LIMCH1: variants seen among roughly 807,000 people sequenced by gnomAD.
LIMCH1 encodes the protein LIM and calponin homology domains-containing protein 1.
In LIMCH1, 113 loss-of-function variants were observed where a neutral mutation model predicts 176.5. The ratio of observed to expected loss-of-function variants is 0.64; its 90% CI spans 0.55 to 0.75. The LOEUF is 0.75. Among genes scored for constraint, LIMCH1 ranks in the 30% least tolerant of loss-of-function variants. LIMCH1 has a pLI of 0.00. For missense variants in LIMCH1, 1,674 were observed against 1,814.9 expected (o/e 0.92, Z 1.41); for synonymous variants, 619 against 645.9 (o/e 0.96, Z 0.63).
intron 1 of LIMCH1, among the ~76,000 whole-genome samples, chr4:41,388,420 G>A (rs1457166319): frequency 6.6e-6 from 1 of 152,220 alleles, no homozygotes; most frequent in Non-Finnish European, 1.5e-5. Flanking sequence ...TATATGTGAT[G>A]TCCAGAAAAG....
intron 1 of LIMCH1, among the ~76,000 whole-genome samples, chr4:41,575,194 C>G (rs530177164): frequency 1.2e-4 from 18 of 152,258 alleles, no homozygotes; most frequent in Admixed American, 1.2e-3. Context: ...AAGACACTGA[C>G]CAGATAGCAT....
At chr4:41,445,070 A>G (rs58542885) in intron 1 of LIMCH1, among the ~76,000 whole-genome samples, 1 of 149,542 alleles carries the variant, frequency 6.7e-6, no homozygotes, top group Non-Finnish European at 1.5e-5. Context: ...CAGTGGCGCA[A>G]TCTTGGCTCA....
At chr4:41,561,164 C>A (rs1403545004) in intron 1 of LIMCH1, among the ~76,000 whole-genome samples, 1 of 152,152 alleles carries the variant, frequency 6.6e-6, no homozygotes, top group Non-Finnish European at 1.5e-5. Flanking sequence ...TTGTTTAATC[C>A]AACCTAAATA....
chr4:41,529,619 G>C lies in LIMCH1; in HGVS notation c.237+5141G>C, dbSNP rs192647598. 3.6e-3 allele frequency among the ~76,000 whole-genome samples: 544 copies of C among 152,242 alleles called. 3 individuals are homozygous for C. Among genetic ancestry groups the C allele is most frequent in the Middle Eastern group, 0.027 (8 of 294 alleles). On this transcript the variant is annotated intron_variant, in intron 3 of 26. Coordinates refer to the LIMCH1 transcript ENST00000313860. ...AACAGTAAAAGATGAGATGGATCCC[G>C]AGCCCTGGCCACCCCTCTCCTTGGT...
chr4:41,596,842 T>C (rs924993628), intron 1 of LIMCH1, among the ~76,000 whole-genome samples: 1 of 152,150 alleles, frequency 6.6e-6, no homozygotes, highest in African/African-American at 2.4e-5. Context: ...CTCCAAGAGG[T>C]CTTGTGAACA....
rs200372014 is a variant in LIMCH1 at position 41,651,045 on chromosome 4, TG to T, written c.3036+438del. On this transcript the variant is annotated intron_variant, in intron 18 of 31. Transcript: ENST00000503057. ...TTTCGAGATGGAAATTCGCTCTTTT[TG>T]CCTAGGCTGGAGTGTAATGGTGCGA... Among the ~76,000 whole-genome samples the T allele has an allele frequency of 8.7e-3, 1,304 of 149,870 alleles. 18 individuals are homozygous for T. The highest frequency in any genetic ancestry group is 0.03 in the African/African-American group (1,204 of 40,218).
intron 1 of LIMCH1, among the ~76,000 whole-genome samples, chr4:41,590,046 C>A (rs902642540): frequency 1.3e-5 from 2 of 152,150 alleles, no homozygotes; most frequent in Non-Finnish European, 2.9e-5. Flanking sequence ...CTCATATCTT[C>A]CCCCTCTGGT....
At chr4:41,397,886 T>A (rs2057977050) in intron 1 of LIMCH1, among the ~76,000 whole-genome samples, 1 of 152,170 alleles carries the variant, frequency 6.6e-6, no homozygotes, top group Non-Finnish European at 1.5e-5. Flanking sequence ...AATGGTTATG[T>A]CTTTCTGGTG....
chr4:41,476,603 C>T (rs894483027), intron 1 of LIMCH1, among the ~76,000 whole-genome samples: 4 of 152,196 alleles, frequency 2.6e-5, no homozygotes, highest in African/African-American at 7.2e-5. Flanking sequence ...GATTTCCTGC[C>T]ATAATACATT....
chr4:41,470,044 T>A (rs1214709931), intron 1 of LIMCH1, among the ~76,000 whole-genome samples: 1 of 152,172 alleles, frequency 6.6e-6, no homozygotes, highest in Non-Finnish European at 1.5e-5. Context: ...GATTTTGTGT[T>A]CATGGATAAT....
At chr4:41,368,995 T>C (rs567811976) in intron 1 of LIMCH1, among the ~76,000 whole-genome samples, 16 of 152,196 alleles carry the variant, frequency 1.1e-4, no homozygotes, top group Non-Finnish European at 1.3e-4. Flanking sequence ...AAGAGAGCCA[T>C]TTTGTGTGAG....
chr4:41,534,931 G>C (rs1248764623), upstream of LIMCH1, among the ~76,000 whole-genome samples: 2 of 151,944 alleles, frequency 1.3e-5, no homozygotes, highest in Admixed American at 6.6e-5. Flanking sequence ...GGAGCCTAAG[G>C]CAGGTGATCG....
intron 1 of LIMCH1, among the ~76,000 whole-genome samples, chr4:41,413,218 GTTTTTTTT>G (rs59105322): frequency 7.1e-6 from 1 of 139,862 alleles, no homozygotes; most frequent in Non-Finnish European, 1.5e-5. Context: ...GACATAATAA[GTTTTTTTT>G]TTTTTTTTTT....
upstream of LIMCH1, among the ~76,000 whole-genome samples, chr4:41,537,296 C>T (rs1204488320): frequency 6.6e-6 from 1 of 152,190 alleles, no homozygotes; most frequent in Non-Finnish European, 1.5e-5. Context: ...ACTCCGCACA[C>T]GATGCTTCTG....
chr4:41,501,780 T>C lies in LIMCH1; in HGVS notation c.167+7174T>C, dbSNP rs561555675. 7.3e-5 allele frequency among the ~76,000 whole-genome samples: 11 copies of C among 151,220 alleles called. 1 individual carries two copies. The South Asian group carries it at 2.1e-3, about 29-fold the overall frequency. On this transcript the variant is annotated intron_variant, in intron 2 of 26. Coordinates refer to the LIMCH1 transcript ENST00000313860. The stretch of plus-strand genomic sequence containing the variant: ...CTTGTCCACTGTATTAAATCTTTAG[T>C]GGGAATCTTAATTTAGAATCAGGAA...
intron 1 of LIMCH1, among the ~76,000 whole-genome samples, chr4:41,469,698 T>TTTATTTATTTA (rs2154158347): frequency 1.5e-5 from 1 of 64,588 alleles, no homozygotes; most frequent in Admixed American, 1.4e-4. Flanking sequence ...TTATTTATTT[T>TTTATTTATTTA]TGAGATGGAA....
chr4:41,504,747 C>G (rs1232138352), intron 2 of LIMCH1, among the ~76,000 whole-genome samples: 1 of 152,230 alleles, frequency 6.6e-6, no homozygotes, highest in Non-Finnish European at 1.5e-5. Flanking sequence ...TCCTTTCTTC[C>G]ATTTTTGTTA....
At chr4:41,678,011 G>A (rs936577679) in intron 23 of LIMCH1, among the ~76,000 whole-genome samples, 1 of 151,892 alleles carries the variant, frequency 6.6e-6, no homozygotes, top group African/African-American at 2.4e-5. Flanking sequence ...AGGTATACAC[G>A]TGTCATGGTG....
intron 1 of LIMCH1, among the ~76,000 whole-genome samples, chr4:41,414,552 T>C (rs1461530479): frequency 6.6e-6 from 1 of 152,190 alleles, no homozygotes; most frequent in Non-Finnish European, 1.5e-5. Flanking sequence ...GTATGTCAGA[T>C]ACCGGGCGAT....
Sources: allele counts gnomAD v4.1 joint callset (sites outside exome capture counted in the v4.1 genomes callset), GRCh38; gene constraint gnomAD v4.1.1; transcripts MANE v1.5; gene names NCBI Gene and HGNC (gene_info 2026-07-23, HGNC 2026-07-21).